Variants in CTNND2 observed in about 807,000 individuals in gnomAD.
The protein encoded by CTNND2 is catenin delta 2, also known as catenin delta-2.
CTNND2 carries 22 observed loss-of-function variants against 144.4 expected under a neutral mutation model. The ratio of observed to expected loss-of-function variants is 0.15; its 90% CI spans 0.11 to 0.22. The LOEUF (loss-of-function observed/expected upper bound fraction) is 0.22. Among genes scored for constraint, CTNND2 ranks in the 10% least tolerant of loss-of-function variants. The pLI, the probability that CTNND2 is intolerant of heterozygous loss-of-function variation, is 1.00. For missense variants in CTNND2, 1,353 were observed against 1,618.8 expected (o/e 0.84, Z 2.82); for synonymous variants, 751 against 695.6 (o/e 1.08, Z -1.25).
At chr5:11,598,236 G>C (rs1779616055) in intron 2 of CTNND2, among the ~76,000 whole-genome samples, 1 of 152,036 alleles carries the variant, frequency 6.6e-6, no homozygotes, top group African/African-American at 2.4e-5. Context: ...TGTCTTCTAG[G>C]AGCCATGGCT....
chr5:11,287,163 T>C (rs1747842510), intron 9 of CTNND2, among the ~76,000 whole-genome samples: 2 of 152,206 alleles, frequency 1.3e-5, no homozygotes, highest in South Asian at 2.1e-4. Context: ...AGATACAGTA[T>C]TTGGTCAAAC....
intron 10 of CTNND2, among the ~76,000 whole-genome samples, chr5:11,230,089 C>T (rs982557617): frequency 2.6e-5 from 4 of 151,272 alleles, no homozygotes; most frequent in Non-Finnish European, 2.9e-5. Context: ...AAATTGGAAA[C>T]CATCATTCTC....
At chr5:11,716,925 T>C (rs1331892586) in intron 2 of CTNND2, among the ~76,000 whole-genome samples, 1 of 152,084 alleles carries the variant, frequency 6.6e-6, no homozygotes, top group Non-Finnish European at 1.5e-5. Context: ...TGGAGTGTAG[T>C]GGCACAGTCT....
chr5:11,718,491 C>T (rs969419751), intron 2 of CTNND2, among the ~76,000 whole-genome samples: 3 of 152,126 alleles, frequency 2.0e-5, no homozygotes, highest in African/African-American at 7.2e-5. Context: ...CTTGATTTCC[C>T]CAAAGCCTCT....
At chr5:11,289,350 G>A (rs1030927381) in intron 9 of CTNND2, among the ~76,000 whole-genome samples, 1 of 152,210 alleles carries the variant, frequency 6.6e-6, no homozygotes, top group African/African-American at 2.4e-5. Flanking sequence ...CCCAGTGGAG[G>A]AACAGCTACC....
intron 1 of CTNND2, among the ~76,000 whole-genome samples, chr5:11,890,761 G>C (rs1035041399): frequency 1.3e-5 from 2 of 152,190 alleles, no homozygotes; most frequent in African/African-American, 4.8e-5. Flanking sequence ...CATATGTTAT[G>C]AAAAAGATAA....
intron 9 of CTNND2, among the ~76,000 whole-genome samples, chr5:11,312,940 G>A (rs376878305): frequency 5.9e-5 from 9 of 152,172 alleles, no homozygotes; most frequent in African/African-American, 1.4e-4. Flanking sequence ...CACTTCCTCC[G>A]TGGAGAATTA....
At chr5:11,543,275 T>C (rs1774922284) in intron 3 of CTNND2, among the ~76,000 whole-genome samples, 1 of 152,222 alleles carries the variant, frequency 6.6e-6, no homozygotes, top group South Asian at 2.1e-4. Flanking sequence ...AGAAAGGTTA[T>C]GGCAGTGTCC....
chr5:11,904,003 G>T lies in CTNND2; in HGVS notation c.-150C>A, dbSNP rs966541026. On this transcript the variant is annotated 5_prime_UTR_variant, in exon 1 of 22. Transcript: ENST00000304623. This position sits in a 1 kb window ranked among gnomAD's most constrained non-coding sequence, Gnocchi z 4.2. ...CGCGGGACAAGGGATGCTGGCGGGC[G>T]GCAGGGGCGAGCGCCGCGGGCGAGA... 10 of 927,572 alleles carry T rather than the reference G, an allele frequency of 1.1e-5. No individual in the cohort carries two copies. In the African/African-American group the frequency reaches 1.2e-4, roughly 11 times the overall value. The allele number at this position is 927,572 out of a possible 1,614,324, so 57.5% of individuals were successfully genotyped here. A position where few individuals can be genotyped will look rare whatever the true frequency, so the allele number is the denominator to read the frequency against.
At position 10,989,825 on chromosome 5, in the gene CTNND2, A is replaced by G. The variant is rs376744608; in HGVS notation, c.3212-1583T>C. ...GTAGAATGAGAGGCAGAAGTGCCCA[A>G]CAGACGTTACAGCCAAGTGCTGGGA... is the stretch of plus-strand genomic sequence containing the variant. On this transcript the variant is annotated intron_variant, in intron 19 of 21. Coordinates refer to ENST00000304623, the MANE Select transcript of CTNND2 (RefSeq NM_001332.4). Among the ~76,000 whole-genome samples, 16 of 152,368 alleles carry G rather than the reference A, an allele frequency of 1.1e-4. 1 individual carries two copies. Among genetic ancestry groups the G allele is most frequent in the African/African-American group, 3.8e-4 (16 of 41,592 alleles).
chr5:11,619,011 A>G (rs1780707943), intron 2 of CTNND2, among the ~76,000 whole-genome samples: 1 of 152,194 alleles, frequency 6.6e-6, no homozygotes, highest in South Asian at 2.1e-4. Context: ...ATTAATCGAC[A>G]ATCATTTTTA....
At position 11,413,991 on chromosome 5, in the gene CTNND2, G is replaced by A. The variant is rs535525841; in HGVS notation, c.288-1922C>T. On this transcript the variant is annotated intron_variant, in intron 3 of 21. Transcript: ENST00000304623. ...CATATTTGGGAAAAGTGCTTTTGCA[G>A]GTGTAATTAAGTTAATAATCTTCAG... Among the ~76,000 whole-genome samples, 15 of 152,260 alleles carry A rather than the reference G, an allele frequency of 9.9e-5. No homozygotes were observed. In the South Asian group the frequency reaches 3.1e-3, roughly 32 times the overall value.
intron 1 of CTNND2, among the ~76,000 whole-genome samples, chr5:11,901,675 C>G (rs1258531958): frequency 6.6e-6 from 1 of 152,174 alleles, no homozygotes; most frequent in African/African-American, 2.4e-5. Context: ...ATTAGGGCAA[C>G]AACCTCACGT....
At chr5:11,201,834 T>TAA (rs1737473150) in intron 10 of CTNND2, among the ~76,000 whole-genome samples, 1 of 152,264 alleles carries the variant, frequency 6.6e-6, no homozygotes, top group African/African-American at 2.4e-5. Flanking sequence ...TTACCCAACT[T>TAA]ACAGTTCTAC....
intron 2 of CTNND2, among the ~76,000 whole-genome samples, chr5:11,698,992 TAC>T (rs1785272788): frequency 1.3e-5 from 2 of 150,120 alleles, no homozygotes. Context: ...ATTAAAATAT[TAC>T]AATTTATGTA....
intron 10 of CTNND2, among the ~76,000 whole-genome samples, chr5:11,236,375 A>T (rs1226597606): frequency 6.6e-6 from 1 of 152,172 alleles, no homozygotes; most frequent in Non-Finnish European, 1.5e-5. Flanking sequence ...GGGCAGAGAA[A>T]ACTCCCAGAG....
Position 11,904,027 on chromosome 5 carries a change from G to A in CTNND2, c.-174C>T, listed in dbSNP as rs957980486. 78 of 618,800 alleles carry A rather than the reference G, an allele frequency of 1.3e-4. No homozygotes were observed. Among genetic ancestry groups the A allele is most frequent in the Non-Finnish European group, 1.7e-4 (74 of 446,850 alleles). The allele number at this position is 618,800 out of a possible 1,614,324, so 38.3% of individuals were successfully genotyped here. A position where few individuals can be genotyped will look rare whatever the true frequency, so the allele number is the denominator to read the frequency against. ...CGGCAGGGGCGAGCGCCGCGGGCGA[G>A]AGGCGGCTCCCGACGCGAGTGCGCA... On this transcript the variant is annotated 5_prime_UTR_variant, in exon 1 of 22. Coordinates refer to ENST00000304623, the MANE Select transcript of CTNND2 (RefSeq NM_001332.4). The surrounding 1 kb of genome is among the most constrained non-coding windows in gnomAD (Gnocchi z 4.2).
At chr5:11,535,395 T>C (rs1186970313) in intron 3 of CTNND2, among the ~76,000 whole-genome samples, 1 of 152,202 alleles carries the variant, frequency 6.6e-6, no homozygotes, top group Non-Finnish European at 1.5e-5. Flanking sequence ...CTTGTGGATG[T>C]TAGCAGTATG....
At chr5:11,691,646 G>A (rs906403335) in intron 2 of CTNND2, among the ~76,000 whole-genome samples, 3 of 152,070 alleles carry the variant, frequency 2.0e-5, no homozygotes, top group African/African-American at 7.2e-5. Context: ...GCTCACACCT[G>A]TAATCTCTGT....
Sources: allele counts gnomAD v4.1 joint callset (sites outside exome capture counted in the v4.1 genomes callset), GRCh38; gene constraint gnomAD v4.1.1; non-coding constraint Gnocchi (gnomAD v3.1); transcripts MANE v1.5; gene names NCBI Gene and HGNC (gene_info 2026-07-23, HGNC 2026-07-21).